Variants in CAPN14 observed in about 807,000 individuals in gnomAD.
CAPN14 encodes the protein calpain-14.
A neutral mutation model predicts 101.3 loss-of-function variants in CAPN14; 94 were observed. The ratio of observed to expected loss-of-function variants is 0.93; its 90% CI spans 0.79 to 1.10. The LOEUF (loss-of-function observed/expected upper bound fraction) is 1.10, where lower values mean the gene tolerates loss of function less well. Ranked by LOEUF, CAPN14 falls within the 50% of genes least tolerant of loss-of-function variation. The probability of loss-of-function intolerance (pLI) is 0.00; values close to 1 mark genes in which losing one functional copy is unlikely to be tolerated. For synonymous variants in CAPN14, 338 were observed against 317.9 expected, an observed-to-expected ratio of 1.06 and a Z score of -0.67; for missense variants, 837 against 828.4, an observed-to-expected ratio of 1.01 and a Z score of -0.13.
At chr2:31,181,806 A>C (rs1211640424) in intron 16 of CAPN14, among the ~76,000 whole-genome samples, 3 of 149,266 alleles carry the variant, frequency 2.0e-5, no homozygotes, top group African/African-American at 7.5e-5. Context: ...GTTTACTGAG[A>C]ATGATGATTT....
At position 31,193,186 on chromosome 2, in the gene CAPN14, C is replaced by G. The variant is rs550751744; in HGVS notation, c.1059G>C (p.Arg353=). The G allele has an allele frequency of 6.4e-7, 1 of 1,551,630 alleles. No homozygotes were observed. The highest frequency in any genetic ancestry group is 2.0e-5 in the Admixed American group (1 of 51,008). The part of the protein sequence containing the change: ...EAAQKWTYTM[R]EGRWEKRSTA... ...TGCTCCGCTTCTCCCATCTCCCCTC[C>G]CGCATGGTGTACGTCCACTTCTGGG... The change falls in exon 10 of 22, where the codon CGG becomes CGC. Residue 353 remains arginine (R), a synonymous_variant. Coordinates refer to ENST00000403897, the MANE Select transcript of CAPN14 (RefSeq NM_001145122.2).
chr2:31,232,146 C>T (rs1444851135), intron 1 of CAPN14, among the ~76,000 whole-genome samples: 3 of 152,288 alleles, frequency 2.0e-5, no homozygotes, highest in East Asian at 1.9e-4. Context: ...GCACTTCAAA[C>T]GCAACACGTT....
intron 2 of CAPN14, among the ~76,000 whole-genome samples, chr2:31,204,586 T>C (rs1370667545): frequency 6.6e-6 from 1 of 152,010 alleles, no homozygotes; most frequent in Admixed American, 6.5e-5. Flanking sequence ...CATGCCTAGG[T>C]AATAAAGCCT....
At chr2:31,206,304 G>A (rs989540260) in intron 1 of CAPN14, among the ~76,000 whole-genome samples, 5 of 152,174 alleles carry the variant, frequency 3.3e-5, no homozygotes, top group Non-Finnish European at 5.9e-5. Context: ...CACAGGGTGC[G>A]TGGGTCTCTC....
At chr2:31,194,615 T>C in intron 8 of CAPN14, 132 bp from the exon 9 acceptor site, 1 of 638,644 alleles carries the variant, frequency 1.6e-6, no homozygotes, top group Non-Finnish European at 2.7e-6. Flanking sequence ...TTCCATATTA[T>C]ACAGTAGCAT....
rs1683143838 is a variant in CAPN14 at position 31,230,072 on chromosome 2, TG to T, written c.-176-3422del. 6.6e-6 allele frequency among the ~76,000 whole-genome samples: 1 copy of T among 152,186 alleles called. No individual in the cohort carries two copies. The highest frequency in any genetic ancestry group is 2.1e-4 in the South Asian group (1 of 4,828). ...AGGTTCGGGGGTACATGTGAAGGTT[TG>T]TTATATAGGTAAACTAGTGTCATGG... On this transcript the variant is annotated intron_variant and NMD_transcript_variant, in intron 1 of 21. Coordinates refer to the CAPN14 transcript ENST00000398824. This position sits in a 1 kb window ranked among gnomAD's most constrained non-coding sequence, Gnocchi z 4.3.
chr2:31,216,026 T>C (rs1399400297), intron 1 of CAPN14, among the ~76,000 whole-genome samples: 1 of 152,032 alleles, frequency 6.6e-6, no homozygotes, highest in African/African-American at 2.4e-5. Context: ...AAATGAAAAC[T>C]ACCCAAATGT....
At chr2:31,216,438 C>T (rs929836571) in intron 1 of CAPN14, among the ~76,000 whole-genome samples, 32 of 152,060 alleles carry the variant, frequency 2.1e-4, no homozygotes, top group Non-Finnish European at 4.4e-4. Flanking sequence ...CAGGCATTGC[C>T]CTAGATGGTA....
In CAPN14 at chr2:31,174,378, C is replaced by T; in HGVS notation, c.*303G>A. 1.9e-6 allele frequency: 1 copy of T among 528,512 alleles called. No homozygotes were observed. The highest frequency in any genetic ancestry group is 3.4e-6 in the Non-Finnish European group (1 of 294,278). The allele number at this position is 528,512 out of a possible 1,614,324, so 32.7% of individuals were successfully genotyped here. ...TGTATGGAGGCTAACCACACCAGCT[C>T]TGGAGTCAGAATGCTTAGGCCATGT... On this transcript the variant is annotated 3_prime_UTR_variant, in exon 22 of 22. Coordinates refer to ENST00000403897, the MANE Select transcript of CAPN14 (RefSeq NM_001145122.2).
chr2:31,179,837 T>C (rs1680500881), intron 17 of CAPN14, among the ~76,000 whole-genome samples: 2 of 152,250 alleles, frequency 1.3e-5, no homozygotes, highest in Non-Finnish European at 2.9e-5. Context: ...TTTTTTCATG[T>C]GACTGTTGGC....
At chr2:31,216,935 A>G (rs1682673047) in intron 1 of CAPN14, among the ~76,000 whole-genome samples, 1 of 152,162 alleles carries the variant, frequency 6.6e-6, no homozygotes, top group African/African-American at 2.4e-5. Flanking sequence ...TTCACATCTA[A>G]TTTCATACAG....
chr2:31,178,361 A>G (rs1680415409), intron 18 of CAPN14, 150 bp downstream of exon 18: 2 of 649,102 alleles, frequency 3.1e-6, no homozygotes, highest in African/African-American at 1.8e-5. Flanking sequence ...GAAGAGACCA[A>G]TAGAGGAAAT....
chr2:31,225,717 T>C (rs1683002119), intron 2 of CAPN14, among the ~76,000 whole-genome samples: 1 of 152,132 alleles, frequency 6.6e-6, no homozygotes, highest in Non-Finnish European at 1.5e-5. Context: ...AATTTAATTA[T>C]TGGAATATTT....
chr2:31,210,206 G>C (rs1026374673), intron 1 of CAPN14, among the ~76,000 whole-genome samples: 4 of 152,192 alleles, frequency 2.6e-5, no homozygotes, highest in Non-Finnish European at 1.5e-5. Flanking sequence ...CACTTTGGGA[G>C]GCTGAGGAGG....
chr2:31,184,813 T>G (rs1680827294), intron 16 of CAPN14, among the ~76,000 whole-genome samples: 1 of 152,222 alleles, frequency 6.6e-6, no homozygotes, highest in South Asian at 2.1e-4. Context: ...AGCACACATC[T>G]AAATGCTCCC....
chr2:31,183,640 T>C (rs1466743773), intron 16 of CAPN14, among the ~76,000 whole-genome samples: 1 of 152,132 alleles, frequency 6.6e-6, no homozygotes, highest in Non-Finnish European at 1.5e-5. Flanking sequence ...CAATGAGATA[T>C]GATCTCACAC....
intron 7 of CAPN14, among the ~76,000 whole-genome samples, chr2:31,197,812 G>A (rs1201935827): frequency 6.6e-6 from 1 of 152,170 alleles, no homozygotes; most frequent in African/African-American, 2.4e-5. Flanking sequence ...GAGTTATGTA[G>A]ACCAAGCCAA....
rs1329630924 is a variant in CAPN14 at position 31,200,558 on chromosome 2, C to T, written c.619G>A (p.Gly207Arg). The T allele has an allele frequency of 6.4e-7, 1 of 1,551,692 alleles. No individual in the cohort carries two copies. The highest frequency in any genetic ancestry group is 8.7e-7 in the Non-Finnish European group (1 of 1,146,986). Residue 207 changes from glycine (G) to arginine (R), a missense_variant, in exon 6 of 22, where the codon GGG (glycine) becomes AGG (arginine). Gly to Arg is a moderately radical substitution (Grantham distance 125). Coordinates refer to ENST00000403897, the MANE Select transcript of CAPN14 (RefSeq NM_001145122.2). ...VSEALVDFTG[G>R]VTMTINLAEA... ...GCCAGGTTGATGGTCATTGTCACCC[C>T]TCCAGTGAAGTCTACAAGGGCTTCA...
intron 17 of CAPN14, among the ~76,000 whole-genome samples, chr2:31,180,676 T>C (rs1364980105): frequency 6.6e-6 from 1 of 152,152 alleles, no homozygotes; most frequent in Admixed American, 6.5e-5. Context: ...CTAATATTGG[T>C]CACCTATTAG....
Sources: gnomAD v4.1 joint callset for allele counts (sites outside exome capture counted in the v4.1 genomes callset) on GRCh38, gnomAD v4.1.1 for gene constraint, Gnocchi (gnomAD v3.1) non-coding constraint, MANE v1.5 for transcripts, NCBI Gene and HGNC (gene_info 2026-07-23, HGNC 2026-07-21) for gene names.